The following FRK variants were observed in gnomAD, a reference collection of about 807,000 sequenced individuals.
FRK encodes tyrosine-protein kinase FRK.
In FRK, 51 loss-of-function variants were observed where a neutral mutation model predicts 56.4. The observed-to-expected ratio is 0.90, with a 90% CI of 0.72 to 1.14. The LOEUF (loss-of-function observed/expected upper bound fraction) is 1.14, where lower values mean the gene tolerates loss of function less well. Among genes scored for constraint, FRK ranks in the 50% most tolerant of loss-of-function variants. The pLI is 0.00. For missense variants in FRK, 570 were observed against 601.4 expected (o/e 0.95, Z 0.55); for synonymous variants, 245 against 217.9 (o/e 1.12, Z -1.10).
At chr6:115,947,739 A>G (rs1483536898) in intron 5 of FRK, among the ~76,000 whole-genome samples, 2 of 152,206 alleles carry the variant, frequency 1.3e-5, no homozygotes, top group Non-Finnish European at 2.9e-5. Context: ...TTTGAATTCT[A>G]TATTATAGCA....
At chr6:116,067,193 A>G in the FRK span, among the ~76,000 whole-genome samples, 1 of 152,126 alleles carries the variant, frequency 6.6e-6, no homozygotes, top group Non-Finnish European at 1.5e-5. Context: ...AAGGAATACC[A>G]GCAAACACCA....
intron 4 of FRK, among the ~76,000 whole-genome samples, chr6:115,965,974 G>C (rs1377606843): frequency 2.1e-5 from 2 of 95,352 alleles, no homozygotes; most frequent in Admixed American, 1.1e-4. Context: ...TGGGTGCAGC[G>C]CACCAGCATG....
Position 115,938,566 on chromosome 6 carries a change from GA to G in FRK, c.*3847del, listed in dbSNP as rs1167246979. On this transcript the variant is annotated 3_prime_UTR_variant, in exon 8 of 8. Transcript: ENST00000606080. ...ATTTTTTGAAAAGATCAACAAAATA[GA>G]ATGCTAGCCAGACTAATAAAGAAGA... 6.6e-6 allele frequency: 1 copy of G among 151,996 alleles called. No individual in the cohort carries two copies. The highest frequency in any genetic ancestry group is 1.5e-5 in the Non-Finnish European group (1 of 67,984). 9.4% of individuals were successfully genotyped at this position (151,996 alleles called of 1,614,324 possible). A position where few individuals can be genotyped will look rare whatever the true frequency, so the allele number is the denominator to read the frequency against.
At chr6:115,960,009 A>G (rs1302878843) in intron 4 of FRK, among the ~76,000 whole-genome samples, 2 of 152,348 alleles carry the variant, frequency 1.3e-5, no homozygotes, top group Non-Finnish European at 2.9e-5. Context: ...GTTAGATCCA[A>G]ACAAGTTAAG....
intron 1 of FRK, among the ~76,000 whole-genome samples, chr6:116,023,538 T>C (rs752889163): frequency 2.3e-4 from 35 of 152,172 alleles, no homozygotes; most frequent in African/African-American, 7.2e-4. Context: ...CACAGAAAAG[T>C]AGATATATGA....
In FRK at chr6:115,933,962, A is replaced by G. The variant is rs980092969; in HGVS notation, c.*8452T>C. ...TGACCCATTTAATTTCAAGGTCATC[A>G]GGAAAGTTTGGGTATATATGCACAC... On this transcript the variant is annotated 3_prime_UTR_variant, in exon 8 of 8. Transcript: ENST00000606080. 1 of 152,134 alleles carries G rather than the reference A, an allele frequency of 6.6e-6. No homozygotes were observed. The highest frequency in any genetic ancestry group is 6.6e-5 in the Admixed American group (1 of 15,262). 9.4% of individuals were successfully genotyped at this position (152,134 alleles called of 1,614,324 possible). A position where few individuals can be genotyped will look rare whatever the true frequency, so the allele number is the denominator to read the frequency against.
chr6:116,097,789 C>T, the FRK span, among the ~76,000 whole-genome samples: 2 of 152,166 alleles, frequency 1.3e-5, no homozygotes, highest in Admixed American at 6.5e-5. Flanking sequence ...AACTTCACAG[C>T]ATGGTATTAA....
rs1284988209 is a variant in FRK, at chr6:115,934,029, C to A, written c.*8385G>T. On this transcript the variant is annotated 3_prime_UTR_variant, in exon 8 of 8. Coordinates refer to ENST00000606080, the MANE Select transcript of FRK (RefSeq NM_002031.3). ...CACACACACACACCATATAAACACA[C>A]AAAAAAATAAATATATACACACTCA... 8.6e-5 allele frequency: 13 copies of A among 151,688 alleles called. No homozygotes were observed. The highest frequency in any genetic ancestry group is 6.2e-4 in the South Asian group (3 of 4,802). 9.4% of individuals were successfully genotyped at this position (151,688 alleles called of 1,614,324 possible). A position where few individuals can be genotyped will look rare whatever the true frequency, so the allele number is the denominator to read the frequency against.
chr6:115,966,095 A>T (rs1378737615), intron 4 of FRK, among the ~76,000 whole-genome samples: 2 of 150,666 alleles, frequency 1.3e-5, no homozygotes, highest in African/African-American at 4.9e-5. Flanking sequence ...AAAAAAAAGA[A>T]GTATTTATCT....
intron 1 of FRK, among the ~76,000 whole-genome samples, chr6:116,020,544 C>T (rs1460177015): frequency 1.3e-5 from 2 of 152,156 alleles, no homozygotes; most frequent in Non-Finnish European, 2.9e-5. Flanking sequence ...CCCACCTCAG[C>T]TTCCCAAAGT....
intron 1 of FRK, among the ~76,000 whole-genome samples, chr6:116,007,184 A>G (rs1035103679): frequency 6.6e-6 from 1 of 152,244 alleles, no homozygotes; most frequent in African/African-American, 2.4e-5. Context: ...ATTCATCTAA[A>G]TATCTCTTTC....
At chr6:116,009,411 T>C (rs11153592) in intron 1 of FRK, among the ~76,000 whole-genome samples, 59,026 of 152,066 alleles carry the variant, frequency 0.39, 11,837 homozygotes, top group Middle Eastern at 0.5. Context: ...GAATCTAATG[T>C]ACATTAAATT....
intron 3 of FRK, 111 bp from the exon 4 acceptor site, chr6:115,967,830 A>G: frequency 1.2e-6 from 1 of 836,972 alleles, no homozygotes; most frequent in Non-Finnish European, 1.8e-6. Context: ...TTAAAACAAA[A>G]TATTGTAAAC....
rs1317889926 is a variant in FRK, at chr6:115,942,233, C to A, written c.*181G>T. ...ATTATATATCACCTTGACTGTCCTG[C>A]AGTGTTGCCCAGTCAATAAAATGCA... On this transcript the variant is annotated 3_prime_UTR_variant, in exon 8 of 8. Coordinates refer to ENST00000606080, the MANE Select transcript of FRK (RefSeq NM_002031.3). 2.1e-5 allele frequency: 12 copies of A among 568,530 alleles called. No homozygotes were observed. The highest frequency in any genetic ancestry group is 3.1e-5 in the East Asian group (1 of 32,292). The allele number at this position is 568,530 out of a possible 1,614,324, so 35.2% of individuals were successfully genotyped here.
At chr6:115,962,078 G>C (rs1269829858) in intron 4 of FRK, among the ~76,000 whole-genome samples, 1 of 143,372 alleles carries the variant, frequency 7.0e-6, no homozygotes, top group South Asian at 2.4e-4. Context: ...AGTAAATTCT[G>C]CAATTAAAAG....
intron 2 of FRK, among the ~76,000 whole-genome samples, chr6:115,974,373 T>C (rs1773917219): frequency 6.6e-6 from 1 of 152,170 alleles, no homozygotes; most frequent in Admixed American, 6.5e-5. Flanking sequence ...ACCGATTATA[T>C]AAAGAAAGCC....
At chr6:115,942,902 G>A (rs17077409) in intron 7 of FRK, 118 bp downstream of exon 7, 38,693 of 978,850 alleles carry the variant, frequency 0.04, 1,741 homozygotes, top group Admixed American at 0.2. Flanking sequence ...TCAAGCTCCC[G>A]CAGGTATGGT....
At chr6:116,001,195 G>A (rs911610515) in intron 2 of FRK, among the ~76,000 whole-genome samples, 8 of 150,980 alleles carry the variant, frequency 5.3e-5, no homozygotes, top group Middle Eastern at 3.4e-3. Flanking sequence ...CCGACATGGC[G>A]CCACTGCACT....
At chr6:115,958,724 A>G (rs1334978648) in intron 4 of FRK, among the ~76,000 whole-genome samples, 9 of 27,880 alleles carry the variant, frequency 3.2e-4, no homozygotes, top group African/African-American at 1.1e-3. Context: ...AGAAAGAAAG[A>G]AAGAAAGAAA....
Sources: gnomAD v4.1 joint callset for allele counts (sites outside exome capture counted in the v4.1 genomes callset) on GRCh38, gnomAD v4.1.1 for gene constraint, MANE v1.5 for transcripts, NCBI Gene and HGNC (gene_info 2026-07-23, HGNC 2026-07-21) for gene names.